Variants in GALNT6 observed in about 807,000 individuals in gnomAD.
GALNT6 encodes GalNAc transferase 6.
In GALNT6, 51 loss-of-function variants were observed where a neutral mutation model predicts 65.9. The ratio of observed to expected loss-of-function variants is 0.77; its 90% confidence interval spans 0.62 to 0.98. GALNT6 has a LOEUF of 0.98. Ranked by LOEUF, GALNT6 falls within the 50% of genes least tolerant of loss-of-function variation. The probability of loss-of-function intolerance (pLI) is 0.00; values close to 1 mark genes in which losing one functional copy is unlikely to be tolerated. For missense variants in GALNT6, 708 were observed against 803.3 expected, an observed-to-expected ratio of 0.88 and a Z score of 1.43; for synonymous variants, 323 against 315.1, an observed-to-expected ratio of 1.02 and a Z score of -0.26.
intron 4 of GALNT6, among the ~76,000 whole-genome samples, chr12:51,367,954 T>C (rs1210615459): frequency 6.6e-6 from 1 of 151,768 alleles, no homozygotes; most frequent in East Asian, 1.9e-4. Flanking sequence ...AGCAGCAGGA[T>C]CCTAGCCAGT....
At position 51,355,807 on chromosome 12, in the gene GALNT6, T is replaced by C; in HGVS notation, c.1754A>G (p.Gln585Arg). The change falls in exon 11 of 12, where the codon CAG (glutamine) becomes CGG (arginine). Residue 585 changes from glutamine to arginine, a missense_variant and splice_region_variant. Gln to Arg is a conservative substitution (Grantham distance 43). Coordinates refer to ENST00000356317, the MANE Select transcript of GALNT6 (RefSeq NM_007210.4). ...TGAGCTTTCTGGACACTGACTCACC[T>C]GGGCCAATTCCCATTCCTCGTCCTT... The part of the protein sequence containing the change: ...VPKDEEWELA[Q>R]DQLIRNSGSG... The C allele has an allele frequency of 6.2e-7, 1 of 1,612,658 alleles. No individual in the cohort carries two copies. Among genetic ancestry groups the C allele is most frequent in the Middle Eastern group, 1.8e-4 (1 of 5,570 alleles).
chr12:51,373,647 C>T (rs530909561), intron 4 of GALNT6, among the ~76,000 whole-genome samples: 3 of 152,178 alleles, frequency 2.0e-5, no homozygotes, highest in African/African-American at 4.8e-5. Context: ...AGAAAGATAA[C>T]GAAAGAACCC....
chr12:51,381,366 C>T (rs1477832127), intron 2 of GALNT6, among the ~76,000 whole-genome samples: 2 of 152,206 alleles, frequency 1.3e-5, no homozygotes, highest in Non-Finnish European at 2.9e-5. Flanking sequence ...CAGGCTCCAC[C>T]CCCAGGCATG....
chr12:51,356,895 C>T lies in GALNT6; in HGVS notation c.1602+454G>A, dbSNP rs577425923. Among the ~76,000 whole-genome samples the T allele has an allele frequency of 2.6e-5, 4 of 152,248 alleles. No individual in the cohort carries two copies. The South Asian group carries it at 6.2e-4, about 24-fold the overall frequency. On this transcript the variant is annotated intron_variant, in intron 10 of 11. Transcript: ENST00000356317. ...CAGCGGGCTTGTTCAGTGACCCACA[C>T]CACTCCTTTCCCCACTCTGGCTCTG... is the stretch of plus-strand genomic sequence containing the variant.
intron 2 of GALNT6, among the ~76,000 whole-genome samples, chr12:51,388,128 G>C (rs1282185284): frequency 6.6e-6 from 1 of 152,132 alleles, no homozygotes; most frequent in African/African-American, 2.4e-5. Context: ...CTCAATTTCA[G>C]GTTCACCCCA....
intron 4 of GALNT6, among the ~76,000 whole-genome samples, chr12:51,375,797 T>C (rs1947432970): frequency 6.6e-6 from 1 of 152,074 alleles, no homozygotes; most frequent in Non-Finnish European, 1.5e-5. Flanking sequence ...CCTTAAGCAA[T>C]CTGCCTGCCT....
Position 51,351,264 on chromosome 12 carries a change from C to A in GALNT6, c.*3115G>T, listed in dbSNP as rs1390546423. On this transcript the variant is annotated 3_prime_UTR_variant, in exon 12 of 12. Transcript: ENST00000356317. ...AAATCCAATCAGCCTGGATTACATT[C>A]ATCTTTATACCAACATAGTCATAAC... 6.6e-6 allele frequency: 1 copy of A among 152,218 alleles called. No individual in the cohort carries two copies. The highest frequency in any genetic ancestry group is 1.5e-5 in the Non-Finnish European group (1 of 68,042). 9.4% of individuals were successfully genotyped at this position (152,218 alleles called of 1,614,324 possible).
At chr12:51,376,298 T>G (rs928236793) in intron 4 of GALNT6, among the ~76,000 whole-genome samples, 2 of 152,126 alleles carry the variant, frequency 1.3e-5, no homozygotes, top group African/African-American at 2.4e-5. Flanking sequence ...CTTTCACACC[T>G]GTTACAGGTG....
chr12:51,354,194 G>T lies in GALNT6; in HGVS notation c.*185C>A, dbSNP rs896871893. 2 of 521,498 alleles carry T rather than the reference G, an allele frequency of 3.8e-6. No individual in the cohort carries two copies. The highest frequency in any genetic ancestry group is 2.9e-5 in the South Asian group (1 of 34,480). The allele number at this position is 521,498 out of a possible 1,614,324, so 32.3% of individuals were successfully genotyped here. A position where few individuals can be genotyped will look rare whatever the true frequency, so the allele number is the denominator to read the frequency against. Reference sequence around the variant, plus strand: ...ATATGTCCTAATGGTCTCTTCCATCGGTGTGAAGGAAAGAAAATGGGCCCA... The same window carrying T: ...ATATGTCCTAATGGTCTCTTCCATCTGTGTGAAGGAAAGAAAATGGGCCCA... On this transcript the variant is annotated 3_prime_UTR_variant, in exon 12 of 12. Transcript: ENST00000356317.
At position 51,379,848 on chromosome 12, in the gene GALNT6, T is replaced by C; in HGVS notation, c.-67A>G. Reference sequence around the variant, plus strand: ...TCCTGAGCCCAACCCTGGAGATAGCTTGATACGTTGTGGTGGCCACAAGCT... The same window carrying C: ...TCCTGAGCCCAACCCTGGAGATAGCCTGATACGTTGTGGTGGCCACAAGCT... On this transcript the variant is annotated 5_prime_UTR_variant, in exon 3 of 12. Transcript: ENST00000356317. 1 of 1,471,280 alleles carries C rather than the reference T, an allele frequency of 6.8e-7. No individual in the cohort carries two copies. The highest frequency in any genetic ancestry group is 9.1e-7 in the Non-Finnish European group (1 of 1,104,800). 91.1% of individuals were successfully genotyped at this position (1,471,280 alleles called of 1,614,324 possible).
Position 51,379,819 on chromosome 12 carries a change from T to A in GALNT6, c.-38A>T. The A allele has an allele frequency of 2.6e-6, 4 of 1,563,956 alleles. No individual in the cohort carries two copies. The highest frequency in any genetic ancestry group is 2.3e-5 in the South Asian group (2 of 86,810). On this transcript the variant is annotated 5_prime_UTR_variant, in exon 3 of 12. Coordinates refer to ENST00000356317, the MANE Select transcript of GALNT6 (RefSeq NM_007210.4). ...AGGGGCACCCCAGCTGCGTCAGCTC[T>A]GAGTCCTGAGCCCAACCCTGGAGAT...
At chr12:51,366,937 G>A (rs188263371) in intron 4 of GALNT6, among the ~76,000 whole-genome samples, 2 of 152,248 alleles carry the variant, frequency 1.3e-5, no homozygotes, top group Admixed American at 1.3e-4. Flanking sequence ...AGACCAGCCT[G>A]GCCAACATGG....
chr12:51,388,276 C>T (rs1378051667), intron 2 of GALNT6, among the ~76,000 whole-genome samples: 1 of 152,224 alleles, frequency 6.6e-6, no homozygotes, highest in Non-Finnish European at 1.5e-5. Flanking sequence ...CTGCCAGCCT[C>T]CTTTGCCTCG....
At chr12:51,370,342 C>G (rs191590895) in intron 4 of GALNT6, among the ~76,000 whole-genome samples, 1 of 152,010 alleles carries the variant, frequency 6.6e-6, no homozygotes, top group Non-Finnish European at 1.5e-5. Context: ...GTCAGGAGTT[C>G]GAGACCAGCC....
chr12:51,365,338 C>G, intron 5 of GALNT6, 92 bp downstream of exon 5: 2 of 1,244,144 alleles, frequency 1.6e-6, no homozygotes, highest in South Asian at 3.1e-5. Flanking sequence ...GAAGAGAGAA[C>G]AGGAAGGGGC....
In GALNT6 at chr12:51,387,210, C is replaced by T. The variant is rs1027900100; in HGVS notation, c.-104+3640G>A. Reference sequence around the variant, plus strand: ...ACTCCTGGGTTCAAGCGATTCTCATCCCTCAGCCTCCCGGGTAGCTGGGAT... The same window carrying T: ...ACTCCTGGGTTCAAGCGATTCTCATTCCTCAGCCTCCCGGGTAGCTGGGAT... On this transcript the variant is annotated intron_variant, in intron 2 of 11. Coordinates refer to ENST00000356317, the MANE Select transcript of GALNT6 (RefSeq NM_007210.4). The surrounding 1 kb of genome is among the most constrained non-coding windows in gnomAD (Gnocchi z 4.2). 9.2e-5 allele frequency among the ~76,000 whole-genome samples: 14 copies of T among 151,880 alleles called. No individual in the cohort carries two copies. Among genetic ancestry groups the T allele is most frequent in the Non-Finnish European group, 1.3e-4 (9 of 67,972 alleles).
At chr12:51,391,448 T>A (rs1948100273), upstream of GALNT6, 1 of 153,626 alleles carries the variant, frequency 6.5e-6, no homozygotes, top group Non-Finnish European at 1.4e-5. Flanking sequence ...TCGGGGGTAG[T>A]GAGGAGGAAG....
intron 2 of GALNT6, among the ~76,000 whole-genome samples, chr12:51,390,136 A>ATTTCTTTCTTTCTTTC (rs34438835): frequency 1.9e-4 from 14 of 74,412 alleles, no homozygotes; most frequent in African/African-American, 5.0e-4. Context: ...ATCAAAGCAT[A>ATTTCTTTCTTTCTTTC]TTTCTTTCTT....
At chr12:51,384,683 C>T (rs573997339) in intron 2 of GALNT6, among the ~76,000 whole-genome samples, 40 of 113,734 alleles carry the variant, frequency 3.5e-4, no homozygotes, top group African/African-American at 1.2e-3. Context: ...CAGAGCAAGA[C>T]TCTGTCTCAA....
Sources: allele counts gnomAD v4.1 joint callset (sites outside exome capture counted in the v4.1 genomes callset), GRCh38; gene constraint gnomAD v4.1.1; non-coding constraint Gnocchi (gnomAD v3.1); transcripts MANE v1.5; gene names NCBI Gene and HGNC (gene_info 2026-07-23, HGNC 2026-07-21).